The following POLB variants were observed in gnomAD, a reference collection of about 807,000 sequenced individuals.
The protein encoded by POLB is 5'-dRP lyase.
In POLB, 37 loss-of-function variants were observed where a neutral mutation model predicts 52.7. That is an observed-to-expected ratio of 0.70 (90% CI 0.54 to 0.92). The LOEUF (loss-of-function observed/expected upper bound fraction) is 0.92. Among genes scored for constraint, POLB ranks in the 40% least tolerant of loss-of-function variants. POLB has a pLI of 0.00. For synonymous variants in POLB, 138 were observed against 131.3 expected (o/e 1.05, Z -0.35); for missense variants, 313 against 400.8 (o/e 0.78, Z 1.87).
At chr8:42,356,543 G>A (rs1342236245) in intron 7 of POLB, among the ~76,000 whole-genome samples, 1 of 152,086 alleles carries the variant, frequency 6.6e-6, no homozygotes, top group Non-Finnish European at 1.5e-5. Context: ...TCAGTTTTAG[G>A]ACATTTTTGT....
At chr8:42,366,666 A>G (rs1824059443) in intron 11 of POLB, among the ~76,000 whole-genome samples, 2 of 152,220 alleles carry the variant, frequency 1.3e-5, no homozygotes, top group Admixed American at 6.5e-5. Context: ...TGTATCTTTC[A>G]TTATAGAAGA....
At chr8:42,339,225 T>C in intron 2 of POLB, 156 bp downstream of exon 2, 1 of 672,226 alleles carries the variant, frequency 1.5e-6, no homozygotes. Flanking sequence ...TCTTGAAGAA[T>C]GTGGGCAGTG....
intron 2 of POLB, among the ~76,000 whole-genome samples, chr8:42,340,715 C>T (rs2130768711): frequency 6.6e-6 from 1 of 152,288 alleles, no homozygotes; most frequent in South Asian, 2.1e-4. Flanking sequence ...ACATTTTTAG[C>T]CCTATACTGT....
chr8:42,371,539 A>C lies in POLB; in HGVS notation c.914-24A>C, dbSNP rs557836494. ...AAACTATAAAACTGGTTCTTACAAT[A>C]AGTTTTTCTCTCTGTACTTGCAGGA... is the stretch of plus-strand genomic sequence containing the variant. On this transcript the variant is annotated intron_variant, in intron 13 of 13. Transcript: ENST00000265421. 119 of 1,402,574 alleles carry C rather than the reference A, an allele frequency of 8.5e-5. 1 individual carries two copies. The African/African-American group carries it at 2.0e-3, about 24-fold the overall frequency. 86.9% of individuals were successfully genotyped at this position (1,402,574 alleles called of 1,614,324 possible).
chr8:42,359,178 ATTCTTGTAACG>A (rs1823518876), intron 9 of POLB, among the ~76,000 whole-genome samples: 1 of 152,076 alleles, frequency 6.6e-6, no homozygotes, highest in Non-Finnish European at 1.5e-5. Context: ...TTCCCTATGG[ATTCTTGTAACG>A]TTTCTTCATG....
At chr8:42,338,907 CG>C (rs777909372) in intron 1 of POLB, 104 bp from the exon 2 acceptor site, 59 of 1,060,210 alleles carry the variant, frequency 5.6e-5, no homozygotes, top group Non-Finnish European at 7.2e-5. Flanking sequence ...TTGGAGGAAA[CG>C]GGTGGTCACT....
intron 7 of POLB, 110 bp from the exon 8 acceptor site, chr8:42,357,059 T>G: frequency 1.5e-6 from 1 of 647,344 alleles, no homozygotes; most frequent in Non-Finnish European, 2.7e-6. Flanking sequence ...CCTTGATTTG[T>G]GAGAATGATC....
chr8:42,338,769 C>A, intron 1 of POLB, 84 bp downstream of exon 1: 1 of 1,340,564 alleles, frequency 7.5e-7, no homozygotes, highest in Non-Finnish European at 1.1e-6. Flanking sequence ...CACCGACAGT[C>A]CAGTGGGTAG....
intron 4 of POLB, among the ~76,000 whole-genome samples, chr8:42,349,475 G>A (rs1176528269): frequency 1.7e-4 from 26 of 152,106 alleles, no homozygotes; most frequent in Admixed American, 1.5e-3. Context: ...TGCAAGCTCC[G>A]CCTCCTGGGT....
At chr8:42,340,974 T>A (rs1194530171) in intron 2 of POLB, among the ~76,000 whole-genome samples, 2 of 152,182 alleles carry the variant, frequency 1.3e-5, no homozygotes, top group Non-Finnish European at 2.9e-5. Flanking sequence ...GCCAGCAGTC[T>A]AGACAAATAA....
At chr8:42,352,222 G>A (rs1384963151) in intron 5 of POLB, among the ~76,000 whole-genome samples, 1 of 152,164 alleles carries the variant, frequency 6.6e-6, no homozygotes, top group Non-Finnish European at 1.5e-5. Flanking sequence ...GACACATAAT[G>A]GCCCTCAGTA....
At chr8:42,363,453 G>A (rs1030787488) in intron 11 of POLB, among the ~76,000 whole-genome samples, 19 of 149,044 alleles carry the variant, frequency 1.3e-4, no homozygotes, top group Non-Finnish European at 1.5e-4. Flanking sequence ...ACTTGAACCC[G>A]GGAGGCAGAG....
chr8:42,357,284 A>G, intron 8 of POLB, 36 bp from the exon 9 acceptor site: 1 of 1,435,526 alleles, frequency 7.0e-7, no homozygotes. Context: ...GTGAAAAGCC[A>G]TTTTGGGAAT....
At chr8:42,356,065 AATT>A (rs1424781188) in intron 7 of POLB, among the ~76,000 whole-genome samples, 2 of 152,206 alleles carry the variant, frequency 1.3e-5, no homozygotes, top group African/African-American at 4.8e-5. Flanking sequence ...CAGCATCAAT[AATT>A]ATTTTGTGTG....
At chr8:42,348,488 G>T (rs1230712938) in intron 3 of POLB, among the ~76,000 whole-genome samples, 4 of 152,188 alleles carry the variant, frequency 2.6e-5, no homozygotes, top group Non-Finnish European at 4.4e-5. Context: ...AGAACAAGGT[G>T]TCTAGGCCAG....
intron 11 of POLB, among the ~76,000 whole-genome samples, chr8:42,366,118 G>A (rs1585918126): frequency 6.6e-6 from 1 of 151,902 alleles, no homozygotes; most frequent in East Asian, 1.9e-4. Flanking sequence ...AAAAAAAAAG[G>A]AAAAAGTATA....
chr8:42,347,860 G>A lies in POLB; in HGVS notation c.187-1156G>A, dbSNP rs1314492081. Among the ~76,000 whole-genome samples the A allele has an allele frequency of 2.0e-5, 3 of 152,088 alleles. No homozygotes were observed. The East Asian group carries it at 5.8e-4, about 29-fold the overall frequency. Reference sequence around the variant, plus strand: ...CATTAAATAAATTAAGAATATTGATGAGTGAACCTAGGCCTGAGAGGCAGT... The same window carrying A: ...CATTAAATAAATTAAGAATATTGATAAGTGAACCTAGGCCTGAGAGGCAGT... On this transcript the variant is annotated intron_variant, in intron 3 of 13. Coordinates refer to ENST00000265421, the MANE Select transcript of POLB (RefSeq NM_002690.3).
chr8:42,359,787 T>G (rs1270233992), intron 9 of POLB, among the ~76,000 whole-genome samples: 1 of 151,964 alleles, frequency 6.6e-6, no homozygotes, highest in Non-Finnish European at 1.5e-5. Context: ...TACACTTTGT[T>G]TTTGTTTTTT....
Position 42,339,060 on chromosome 8 carries a change from A to G in POLB, c.110A>G (p.Asn37Ser), listed in dbSNP as rs374441256. 5.6e-6 allele frequency: 9 copies of G among 1,612,578 alleles called. No individual in the cohort carries two copies. The East Asian group carries it at 8.9e-5, about 16-fold the overall frequency. ...KNVSQAIHKYNAYRKAASVIA... is the reference protein window; with the variant it reads ...KNVSQAIHKYSAYRKAASVIA... ...GTGAGCCAAGCTATCCACAAGTACA[A>G]TGCTTACAGGTGGGACAGTGCAGCA... The change falls in exon 2 of 14, where the codon AAT becomes AGT. Residue 37 changes from asparagine to serine, a missense_variant. Asn to Ser is a conservative substitution (Grantham distance 46). Transcript: ENST00000265421.
Sources: allele counts gnomAD v4.1 joint callset (sites outside exome capture counted in the v4.1 genomes callset), GRCh38; gene constraint gnomAD v4.1.1; transcripts MANE v1.5; gene names NCBI Gene and HGNC (gene_info 2026-07-23, HGNC 2026-07-21).